The following NLRP2 variants were observed in gnomAD, a reference collection of about 807,000 sequenced individuals.
NLRP2 encodes the protein NLR family pyrin domain containing 2.
In NLRP2, 107 loss-of-function variants were observed where a neutral mutation model predicts 97.2. The ratio of observed to expected loss-of-function variants is 1.10; its 90% confidence interval spans 0.94 to 1.29. The LOEUF (loss-of-function observed/expected upper bound fraction) is 1.29. Ranked by LOEUF, NLRP2 falls within the 50% of genes most tolerant of loss-of-function variation. The pLI is 0.00. For missense variants in NLRP2, 1,495 were observed against 1,330.3 expected, an observed-to-expected ratio of 1.12 and a Z score of -1.93; for synonymous variants, 663 against 551.5, an observed-to-expected ratio of 1.20 and a Z score of -2.83.
At chr19:54,971,974 A>G (rs2070885661) in intron 2 of NLRP2, among the ~76,000 whole-genome samples, 1 of 146,116 alleles carries the variant, frequency 6.8e-6, no homozygotes, top group Non-Finnish European at 1.5e-5. Context: ...GATTACAAGC[A>G]TGTCCCACCA....
At chr19:54,969,194 C>A (rs555070825) in intron 1 of NLRP2, among the ~76,000 whole-genome samples, 1 of 152,078 alleles carries the variant, frequency 6.6e-6, no homozygotes, top group African/African-American at 2.4e-5. Flanking sequence ...CAGGGAAAAC[C>A]CTGACAGTAG....
At chr19:54,989,849 T>C (rs2072338797) in intron 8 of NLRP2, 173 bp from the exon 9 acceptor site, 8 of 664,082 alleles carry the variant, frequency 1.2e-5, no homozygotes, top group Admixed American at 7.3e-5. Context: ...CTGGGCATGT[T>C]GGTGCATGGT....
At chr19:54,974,916 C>T (rs1463087804) in intron 3 of NLRP2, among the ~76,000 whole-genome samples, 1 of 151,952 alleles carries the variant, frequency 6.6e-6, no homozygotes, top group Non-Finnish European at 1.5e-5. Flanking sequence ...TCTCCTGCCT[C>T]AGCCTCTAGA....
intron 2 of NLRP2, chr19:54,973,772 A>G: frequency 1.8e-6 from 1 of 549,658 alleles, no homozygotes; most frequent in Non-Finnish European, 3.6e-6. Context: ...TGGGCTCTGA[A>G]AAAGATACAA....
chr19:54,971,995 ATT>A (rs61335843), intron 2 of NLRP2, among the ~76,000 whole-genome samples: 1,579 of 116,342 alleles, frequency 0.014, 12 homozygotes, highest in South Asian at 0.027. Flanking sequence ...TGCCTGGCTG[ATT>A]TTTTTTTTTT....
intron 12 of NLRP2, among the ~76,000 whole-genome samples, chr19:54,999,010 G>A (rs1602455951): frequency 6.6e-6 from 1 of 151,548 alleles, no homozygotes; most frequent in South Asian, 2.1e-4. Context: ...AGAACAAAAT[G>A]GGGGGCTGAC....
chr19:54,983,585 C>T lies in NLRP2; in HGVS notation c.1887C>T (p.Ser629=). Residue 629 remains serine, a synonymous_variant, in exon 6 of 13, where the codon TCC becomes TCT. Coordinates refer to ENST00000448584, the MANE Select transcript of NLRP2 (RefSeq NM_017852.5). ...TGATGGCTCAGTTCAAAGAAATATC[C>T]CTGCACTTAAATGCAGTAGACGTTG... The part of the protein sequence containing the change: ...KEVMAQFKEI[S]LHLNAVDVVP... The T allele has an allele frequency of 6.2e-7, 1 of 1,614,132 alleles. No homozygotes were observed. Among genetic ancestry groups the T allele is most frequent in the Non-Finnish European group, 8.5e-7 (1 of 1,180,002 alleles).
chr19:54,986,426 T>C, intron 8 of NLRP2, 111 bp downstream of exon 8: 1 of 958,404 alleles, frequency 1.0e-6, no homozygotes, highest in Non-Finnish European at 1.7e-6. Flanking sequence ...CTAGAAACAG[T>C]ACTAAGGGCA....
At chr19:54,969,034 C>T (rs912732399) in intron 1 of NLRP2, among the ~76,000 whole-genome samples, 6 of 152,112 alleles carry the variant, frequency 3.9e-5, no homozygotes, top group African/African-American at 1.4e-4. Context: ...GCCCAGTTTT[C>T]ACGAAGTTTC....
At chr19:54,999,694 A>G (rs986835251) in intron 12 of NLRP2, among the ~76,000 whole-genome samples, 1 of 152,184 alleles carries the variant, frequency 6.6e-6, no homozygotes, top group Admixed American at 6.5e-5. Context: ...GAAAAAAAGG[A>G]TTAAAAAGAG....
chr19:54,984,181 G>A (rs530262129), intron 6 of NLRP2, among the ~76,000 whole-genome samples: 1 of 151,274 alleles, frequency 6.6e-6, no homozygotes, highest in East Asian at 2.0e-4. Context: ...GGGTCTTGCT[G>A]TGTTGCTCAG....
rs374298796 is a variant in NLRP2, at chr19:54,990,097, G to A, written c.2442G>A (p.Thr814=). ...SLALEVNQSL[T]CVNLSDNELL... is the part of the protein sequence containing the mutation. ...CCCTTGAAGTCAACCAGTCCCTGAC[G>A]TGCGTAAACCTCTCCGACAATGAGC... Residue 814 remains threonine, a synonymous_variant, in exon 9 of 13, where the codon ACG becomes ACA. Transcript: ENST00000448584. 9 of 1,613,988 alleles carry A rather than the reference G, an allele frequency of 5.6e-6. No individual in the cohort carries two copies. The highest frequency in any genetic ancestry group is 5.3e-5 in the African/African-American group (4 of 74,916).
At chr19:54,977,643 AG>A (rs1267692263) in intron 3 of NLRP2, 108 bp from the exon 4 acceptor site, 2 of 1,011,384 alleles carry the variant, frequency 2.0e-6, no homozygotes, top group Non-Finnish European at 3.1e-6. Context: ...CGTCCTTTTT[AG>A]TACCTAATCT....
chr19:54,975,123 T>G lies in NLRP2; in HGVS notation c.325+579T>G, dbSNP rs966438254. Among the ~76,000 whole-genome samples the G allele has an allele frequency of 7.2e-3, 710 of 97,940 alleles. 20 individuals carry two copies. The highest frequency in any genetic ancestry group is 0.031 in the African/African-American group (673 of 21,926). The allele number at this position is 97,940 out of a possible 152,430, so 64.3% of individuals were successfully genotyped here. On this transcript the variant is annotated intron_variant, in intron 3 of 12. Coordinates refer to ENST00000448584, the MANE Select transcript of NLRP2 (RefSeq NM_017852.5). ...CCGGTTTTGTTTTTTTTTTTTTTTT[T>G]TTTTTTTTTTTTTTTTTTTTGAAAC...
rs1159290554 is a variant in NLRP2, at chr19:54,983,022, C to T, written c.1324C>T (p.Gln442Ter). ...CTGCAGCCGGTTCCCGCAGGGCGCA[C>T]AGCTGCGGGGCGCGCTGCGGACGCT... The part of the protein sequence containing the change: ...FLCSRFPQGA[Q>*]LRGALRTLSL... The change falls in exon 6 of 13, where the codon CAG (glutamine) becomes TAG (stop). Residue 442 changes from glutamine to a stop codon, truncating the protein, a stop_gained. Coordinates refer to ENST00000448584, the MANE Select transcript of NLRP2 (RefSeq NM_017852.5). LOFTEE classifies it high-confidence loss of function. 1.2e-6 allele frequency: 2 copies of T among 1,610,980 alleles called. No homozygotes were observed. The highest frequency in any genetic ancestry group is 3.3e-5 in the Admixed American group (2 of 59,872).
chr19:54,994,344 G>A lies in NLRP2; in HGVS notation c.2784G>A (p.Leu928=). The change falls in exon 11 of 13, where the codon TTG becomes TTA. Residue 928 remains leucine, a synonymous_variant. Coordinates refer to ENST00000448584, the MANE Select transcript of NLRP2 (RefSeq NM_017852.5). ...TKLLQEKSSL[L]CLDLGLNHIG... is the part of the protein sequence containing the mutation. ...TTCTCCAAGAAAAATCAAGCCTGTT[G>A]TGTTTGGATCTGGGGCTGAATCACA... The A allele has an allele frequency of 6.2e-7, 1 of 1,614,158 alleles. No individual in the cohort carries two copies. Among genetic ancestry groups the A allele is most frequent in the South Asian group, 1.1e-5 (1 of 91,082 alleles).
intron 12 of NLRP2, 114 bp downstream of exon 12, chr19:54,997,601 C>T (rs1463550369): frequency 5.6e-6 from 6 of 1,077,946 alleles, no homozygotes; most frequent in African/African-American, 4.6e-5. Flanking sequence ...TACAGGTTCC[C>T]GCCATCACAC....
chr19:55,000,431 C>T (rs994729331), intron 12 of NLRP2, among the ~76,000 whole-genome samples: 12 of 150,754 alleles, frequency 8.0e-5, no homozygotes, highest in African/African-American at 2.9e-4. Flanking sequence ...CGTCCGCCAC[C>T]ACGCCCGGCT....
chr19:54,993,027 C>A (rs1056709503), intron 10 of NLRP2, among the ~76,000 whole-genome samples: 1 of 151,794 alleles, frequency 6.6e-6, no homozygotes, highest in Non-Finnish European at 1.5e-5. Context: ...CAAGACCAGC[C>A]TGGCCAACAT....
Sources: allele counts gnomAD v4.1 joint callset (sites outside exome capture counted in the v4.1 genomes callset), GRCh38; gene constraint gnomAD v4.1.1; transcripts MANE v1.5; gene names NCBI Gene and HGNC (gene_info 2026-07-23, HGNC 2026-07-21).